The following KIAA1191 variants were observed in gnomAD, a reference collection of about 807,000 sequenced individuals.
The protein encoded by KIAA1191 is KIAA1191, also known as putative monooxygenase p33MONOX.
In KIAA1191, 22 loss-of-function variants were observed where a neutral mutation model predicts 31.1. The observed-to-expected ratio is 0.71, with a 90% CI of 0.51 to 1.01. The LOEUF is 1.01. Ranked by LOEUF, KIAA1191 falls within the 50% of genes least tolerant of loss-of-function variation. The probability of loss-of-function intolerance (pLI) is 0.00; values close to 1 mark genes in which losing one functional copy is unlikely to be tolerated. For synonymous variants in KIAA1191, 130 were observed against 143.9 expected, an observed-to-expected ratio of 0.90 and a Z score of 0.69; for missense variants, 319 against 388.0, an observed-to-expected ratio of 0.82 and a Z score of 1.49.
chr5:176,355,535 T>C lies in KIAA1191; in HGVS notation c.207+36A>G. ...CTGGAGCAGAGGAAGGACAAAGGGG[T>C]TGCGTATGCCAGAAATGGCCAGCAG... On this transcript the variant is annotated intron_variant, in intron 4 of 8. Transcript: ENST00000298569. This position sits in a 1 kb window ranked among gnomAD's most constrained non-coding sequence, Gnocchi z 4.2. 6.3e-7 allele frequency: 1 copy of C among 1,590,436 alleles called. No individual in the cohort carries two copies.
At chr5:176,348,217 C>T in intron 7 of KIAA1191, 33 bp downstream of exon 7, 1 of 1,607,194 alleles carries the variant, frequency 6.2e-7, no homozygotes. Flanking sequence ...CTGAAGCACG[C>T]AGGAACTCGG....
intron 4 of KIAA1191, chr5:176,354,650 G>A (rs536422338): frequency 2.7e-4 from 41 of 152,488 alleles, no homozygotes; most frequent in African/African-American, 7.5e-4. Flanking sequence ...ACAGCATGAG[G>A]ACAGGTACAG....
rs769275125 is a variant in KIAA1191 at position 176,359,530 on chromosome 5, C to A, written c.-22G>T. On this transcript the variant is annotated 5_prime_UTR_variant, in exon 3 of 9. Coordinates refer to ENST00000298569, the MANE Select transcript of KIAA1191 (RefSeq NM_020444.5). ...CCATTGAAAGACTGGGATCCAGGTG[C>A]TTTTTCTATACAGAATTCCGAGCTG... The A allele has an allele frequency of 2.5e-6, 4 of 1,608,640 alleles. No individual in the cohort carries two copies. In the East Asian group the frequency reaches 6.7e-5, roughly 27 times the overall value.
Position 176,355,361 on chromosome 5 carries a change from G to A in KIAA1191, c.207+210C>T, listed in dbSNP as rs556767858. On this transcript the variant is annotated intron_variant, in intron 4 of 8. Transcript: ENST00000298569. This position sits in a 1 kb window ranked among gnomAD's most constrained non-coding sequence, Gnocchi z 4.2. ...AATTCATCCATGCGAACAACACCTC[G>A]GGTAACCCTAAAGCTACTGATTTTT... Among the ~76,000 whole-genome samples the A allele has an allele frequency of 2.0e-5, 3 of 151,726 alleles. No homozygotes were observed. Among genetic ancestry groups the A allele is most frequent in the African/African-American group, 7.3e-5 (3 of 41,336 alleles).
chr5:176,352,188 G>T (rs1767091129), intron 5 of KIAA1191, among the ~76,000 whole-genome samples: 1 of 150,276 alleles, frequency 6.7e-6, no homozygotes, highest in Non-Finnish European at 1.5e-5. Context: ...AACAAAAACT[G>T]GGGTAAGTGG....
rs932734212 is a variant in KIAA1191, at chr5:176,346,133, C to T, written c.*1467G>A. The T allele has an allele frequency of 2.8e-4, 43 of 152,214 alleles. No individual in the cohort carries two copies. Among genetic ancestry groups the T allele is most frequent in the African/African-American group, 8.2e-4 (34 of 41,522 alleles). The allele number at this position is 152,214 out of a possible 1,614,324, so 9.4% of individuals were successfully genotyped here. On this transcript the variant is annotated 3_prime_UTR_variant, in exon 9 of 9. Coordinates refer to ENST00000298569, the MANE Select transcript of KIAA1191 (RefSeq NM_020444.5). ...AGAAGACACAAATAAATTAATTGTTCTCATAATTTTAGACTCCAGGGCCTC... is the reference window on the plus strand; with the variant it reads ...AGAAGACACAAATAAATTAATTGTTTTCATAATTTTAGACTCCAGGGCCTC...
At position 176,347,458 on chromosome 5, in the gene KIAA1191, C is replaced by T. The variant is rs1436755685; in HGVS notation, c.*142G>A. On this transcript the variant is annotated 3_prime_UTR_variant, in exon 9 of 9. Coordinates refer to ENST00000298569, the MANE Select transcript of KIAA1191 (RefSeq NM_020444.5). ...CTCAGGTATCCACCTACCTTGGCCT[C>T]CCAAAGTGCTGGGATTACAGGCGTG... 5.9e-5 allele frequency: 36 copies of T among 606,210 alleles called. No homozygotes were observed. The East Asian group carries it at 7.8e-4, about 13-fold the overall frequency. The allele number at this position is 606,210 out of a possible 1,614,324, so 37.6% of individuals were successfully genotyped here.
At position 176,351,433 on chromosome 5, in the gene KIAA1191, T is replaced by C. The variant is rs1766997275; in HGVS notation, c.335-696A>G. ...CATTCTCAAGCTTGTAAAATAAAAGTAGTGTTGCTGATTCAACAGATGTGA... is the reference window on the plus strand; with the variant it reads ...CATTCTCAAGCTTGTAAAATAAAAGCAGTGTTGCTGATTCAACAGATGTGA... On this transcript the variant is annotated intron_variant, in intron 5 of 8. Coordinates refer to ENST00000298569, the MANE Select transcript of KIAA1191 (RefSeq NM_020444.5). 2.0e-5 allele frequency among the ~76,000 whole-genome samples: 3 copies of C among 151,590 alleles called. No homozygotes were observed. In the South Asian group the frequency reaches 6.2e-4, roughly 32 times the overall value.
intron 3 of KIAA1191, among the ~76,000 whole-genome samples, chr5:176,359,003 G>A (rs1340927834): frequency 6.7e-6 from 1 of 149,584 alleles, no homozygotes; most frequent in Non-Finnish European, 1.5e-5. Flanking sequence ...AGAATGGTGT[G>A]AACCCGGGAG....
chr5:176,356,609 C>T (rs1767524872), intron 3 of KIAA1191, among the ~76,000 whole-genome samples: 2 of 152,326 alleles, frequency 1.3e-5, no homozygotes, highest in Admixed American at 6.5e-5. Flanking sequence ...TCCACTGGAA[C>T]TGACGCCCAG....
chr5:176,357,867 C>T (rs1767640809), intron 3 of KIAA1191, among the ~76,000 whole-genome samples: 1 of 152,096 alleles, frequency 6.6e-6, no homozygotes, highest in Non-Finnish European at 1.5e-5. Flanking sequence ...CAAATAAAGT[C>T]AGCTAGTATT....
chr5:176,350,814 C>G, intron 5 of KIAA1191, 77 bp from the exon 6 acceptor site: 1 of 1,550,088 alleles, frequency 6.5e-7, no homozygotes, highest in Non-Finnish European at 8.8e-7. Context: ...TGGATATCTA[C>G]TATTCTCCCC....
rs536751954 is a variant in KIAA1191 at position 176,361,163 on chromosome 5, C to G, written c.-168+439G>C. Reference sequence around the variant, plus strand: ...CTTTCCCTTTCCCTGTGCCCCCACCCCCCAGCTCACCGTCCCTCTGCCTCT... The same window carrying G: ...CTTTCCCTTTCCCTGTGCCCCCACCGCCCAGCTCACCGTCCCTCTGCCTCT... On this transcript the variant is annotated intron_variant, in intron 1 of 8. Transcript: ENST00000298569. This position sits in a 1 kb window ranked among gnomAD's most constrained non-coding sequence, Gnocchi z 4.0. 1 of 152,614 alleles carries G rather than the reference C, an allele frequency of 6.6e-6. No homozygotes were observed. Among genetic ancestry groups the G allele is most frequent in the Non-Finnish European group, 1.5e-5 (1 of 68,198 alleles). The allele number at this position is 152,614 out of a possible 1,614,324, so 9.5% of individuals were successfully genotyped here.
At chr5:176,357,222 A>G (rs1767582913) in intron 3 of KIAA1191, 1 of 151,810 alleles carries the variant, frequency 6.6e-6, no homozygotes, top group Admixed American at 6.6e-5. Flanking sequence ...AATTGCTTGA[A>G]CCCAGGAGGC....
At chr5:176,357,957 C>G (rs1471090897) in intron 3 of KIAA1191, among the ~76,000 whole-genome samples, 3 of 152,118 alleles carry the variant, frequency 2.0e-5, no homozygotes, top group African/African-American at 7.2e-5. Flanking sequence ...ATTTTTAACT[C>G]CTGTTTTTAC....
chr5:176,350,833 G>A lies in KIAA1191; in HGVS notation c.335-96C>T. 5 of 1,442,800 alleles carry A rather than the reference G, an allele frequency of 3.5e-6. No homozygotes were observed. The Admixed American group carries it at 5.9e-5, about 17-fold the overall frequency. The allele number at this position is 1,442,800 out of a possible 1,614,324, so 89.4% of individuals were successfully genotyped here. ...TATCTACTATTCTCCCCAGAAGCAA[G>A]AGACCACACTGACCATTCAAAGAAG... On this transcript the variant is annotated intron_variant, in intron 5 of 8. Coordinates refer to ENST00000298569, the MANE Select transcript of KIAA1191 (RefSeq NM_020444.5).
intron 6 of KIAA1191, among the ~76,000 whole-genome samples, chr5:176,349,937 G>C (rs546504854): frequency 3.3e-5 from 5 of 152,236 alleles, no homozygotes; most frequent in African/African-American, 9.6e-5. Flanking sequence ...GCCCCTTCAG[G>C]AGCCAGATTT....
At position 176,350,624 on chromosome 5, in the gene KIAA1191, C is replaced by G; in HGVS notation, c.448G>C (p.Glu150Gln). ...TCCTAAGAGCTTACGTGGAGTGCTT[C>G]GGCCACTCGAAGGTACTTGGTCTCC... is the stretch of plus-strand genomic sequence containing the variant. ...TEETKYLRVA[E>Q]ALHKLKLQSG... is the part of the protein sequence containing the mutation. The change falls in exon 6 of 9, where the codon GAA becomes CAA. Residue 150 changes from glutamate to glutamine, a missense_variant. By Grantham distance (29) the Glu-to-Gln change is conservative. Coordinates refer to ENST00000298569, the MANE Select transcript of KIAA1191 (RefSeq NM_020444.5). 1 of 1,613,800 alleles carries G rather than the reference C, an allele frequency of 6.2e-7. No individual in the cohort carries two copies. Among genetic ancestry groups the G allele is most frequent in the Non-Finnish European group, 8.5e-7 (1 of 1,180,012 alleles).
intron 3 of KIAA1191, among the ~76,000 whole-genome samples, chr5:176,357,659 C>T (rs1229225983): frequency 1.3e-5 from 2 of 152,220 alleles, no homozygotes; most frequent in Non-Finnish European, 2.9e-5. Context: ...CACTACAAAG[C>T]ATTCACTGAA....
Sources: gnomAD v4.1 joint callset for allele counts (sites outside exome capture counted in the v4.1 genomes callset) on GRCh38, gnomAD v4.1.1 for gene constraint, Gnocchi (gnomAD v3.1) non-coding constraint, MANE v1.5 for transcripts, NCBI Gene and HGNC (gene_info 2026-07-23, HGNC 2026-07-21) for gene names.